Variants in RIMS2 observed in about 807,000 individuals in gnomAD.
RIMS2 encodes the protein regulating synaptic membrane exocytosis protein 2.
In RIMS2, 59 loss-of-function variants were observed where a neutral mutation model predicts 174.4. The ratio of observed to expected loss-of-function variants is 0.34; its 90% confidence interval spans 0.27 to 0.42. The LOEUF is 0.42. Among genes scored for constraint, RIMS2 ranks in the 10% least tolerant of loss-of-function variants. The probability of loss-of-function intolerance (pLI) is 1.00; values close to 1 mark genes in which losing one functional copy is unlikely to be tolerated. For missense variants in RIMS2, 1,620 were observed against 1,666.3 expected (o/e 0.97, Z 0.48); for synonymous variants, 606 against 572.5 (o/e 1.06, Z -0.84).
intron 19 of RIMS2, among the ~76,000 whole-genome samples, chr8:104,034,202 T>A (rs949784786): frequency 2.6e-5 from 4 of 152,168 alleles, no homozygotes; most frequent in Admixed American, 1.3e-4. Context: ...CTAGAACAAT[T>A]TATAATACCT....
intron 1 of RIMS2, among the ~76,000 whole-genome samples, chr8:103,510,302 A>G (rs1825830169): frequency 6.6e-6 from 1 of 152,130 alleles, no homozygotes; most frequent in East Asian, 1.9e-4. Flanking sequence ...CATATTTGGT[A>G]TCTGTTATCA....
intron 1 of RIMS2, among the ~76,000 whole-genome samples, chr8:103,526,171 C>T (rs1003246863): frequency 6.6e-6 from 1 of 152,148 alleles, no homozygotes; most frequent in Non-Finnish European, 1.5e-5. Flanking sequence ...ATCCCCCAGG[C>T]TTTGGGTTGG....
chr8:104,139,830 G>T (rs958819944), intron 19 of RIMS2, among the ~76,000 whole-genome samples: 8 of 152,088 alleles, frequency 5.3e-5, no homozygotes, highest in African/African-American at 1.7e-4. Flanking sequence ...GGCCATCTTT[G>T]CCATGTTTCA....
intron 19 of RIMS2, among the ~76,000 whole-genome samples, chr8:104,189,889 C>T (rs984833167): frequency 2.0e-5 from 3 of 151,840 alleles, no homozygotes; most frequent in Non-Finnish European, 4.4e-5. Flanking sequence ...CCATCTAATC[C>T]AACTACCTCA....
chr8:103,819,708 T>A, intron 3 of RIMS2: 1 of 1,097,316 alleles, frequency 9.1e-7, no homozygotes, highest in Non-Finnish European at 1.3e-6. Flanking sequence ...AATTGTTTTG[T>A]ATTGAAGTGC....
At chr8:103,603,631 C>T (rs1367685080) in intron 1 of RIMS2, among the ~76,000 whole-genome samples, 2 of 150,306 alleles carry the variant, frequency 1.3e-5, no homozygotes, top group Non-Finnish European at 3.0e-5. Context: ...AAAAGTGTTC[C>T]TATTTCTCCA....
chr8:103,798,050 A>C (rs574140898), intron 3 of RIMS2, among the ~76,000 whole-genome samples: 1 of 152,270 alleles, frequency 6.6e-6, no homozygotes, highest in South Asian at 2.1e-4. Flanking sequence ...CAATGGAATC[A>C]TACTGCAGCA....
chr8:103,561,903 A>C (rs978442155), intron 1 of RIMS2, among the ~76,000 whole-genome samples: 2 of 152,214 alleles, frequency 1.3e-5, no homozygotes, highest in African/African-American at 4.8e-5. Context: ...AGGAGGAGCA[A>C]GTTACATGTT....
chr8:103,947,644 T>C (rs1298710412), intron 14 of RIMS2, among the ~76,000 whole-genome samples: 1 of 152,210 alleles, frequency 6.6e-6, no homozygotes, highest in Non-Finnish European at 1.5e-5. Flanking sequence ...AGGGTACTTA[T>C]CATGAGTGGA....
chr8:103,796,405 A>C (rs2098550131), intron 3 of RIMS2, among the ~76,000 whole-genome samples: 1 of 152,184 alleles, frequency 6.6e-6, no homozygotes, highest in Non-Finnish European at 1.5e-5. Context: ...CTTTTATACA[A>C]AAATAATTTT....
At chr8:104,076,923 T>C (rs2097305091) in intron 19 of RIMS2, among the ~76,000 whole-genome samples, 1 of 151,954 alleles carries the variant, frequency 6.6e-6, no homozygotes, top group African/African-American at 2.4e-5. Context: ...TTCAAGTGAT[T>C]CTCCTACCTC....
chr8:103,615,534 T>C (rs866699472), intron 1 of RIMS2, among the ~76,000 whole-genome samples: 1 of 151,574 alleles, frequency 6.6e-6, no homozygotes, highest in East Asian at 1.9e-4. Flanking sequence ...AAATTAGAGA[T>C]GAATTGAGGA....
chr8:103,976,085 C>T (rs1232568725), intron 16 of RIMS2: 2 of 152,250 alleles, frequency 1.3e-5, no homozygotes, highest in Admixed American at 1.3e-4. Context: ...AGGCTTCCTT[C>T]ATTCCATTCA....
At chr8:103,787,820 C>G (rs1006319191) in intron 3 of RIMS2, among the ~76,000 whole-genome samples, 1 of 152,098 alleles carries the variant, frequency 6.6e-6, no homozygotes, top group South Asian at 2.1e-4. Context: ...GTTGGCCTGC[C>G]TTGCTAGATC....
intron 2 of RIMS2, among the ~76,000 whole-genome samples, chr8:103,728,371 T>C (rs773004377): frequency 6.6e-6 from 1 of 152,106 alleles, no homozygotes; most frequent in Non-Finnish European, 1.5e-5. Flanking sequence ...AGATCATCTG[T>C]AAACAAGTAT....
chr8:103,528,504 C>A lies in RIMS2; in HGVS notation c.176+27442C>A, dbSNP rs543388904. 7.0e-3 allele frequency among the ~76,000 whole-genome samples: 1,061 copies of A among 152,274 alleles called. 3 individuals carry two copies. The highest frequency in any genetic ancestry group is 0.012 in the Non-Finnish European group (833 of 68,016). On this transcript the variant is annotated intron_variant, in intron 1 of 23. Coordinates refer to ENST00000504942, the Ensembl canonical transcript of RIMS2. ...TGAATGGTATTGCCTAGGTTTTCTT[C>A]TAGAGTTTTTATGGTTTTAGGTCTA... is the stretch of plus-strand genomic sequence containing the variant.
At chr8:103,776,076 T>C (rs1564591479) in intron 3 of RIMS2, among the ~76,000 whole-genome samples, 1 of 152,120 alleles carries the variant, frequency 6.6e-6, no homozygotes, top group Non-Finnish European at 1.5e-5. Flanking sequence ...AAGAGTTGCA[T>C]TAAAATAAGC....
chr8:104,141,472 G>A (rs1363040406), intron 19 of RIMS2, among the ~76,000 whole-genome samples: 1 of 152,128 alleles, frequency 6.6e-6, no homozygotes, highest in Non-Finnish European at 1.5e-5. Flanking sequence ...TCTCCAAAAT[G>A]CCCTTTGATG....
intron 2 of RIMS2, among the ~76,000 whole-genome samples, chr8:103,762,112 GT>G (rs2098119416): frequency 6.7e-6 from 1 of 148,924 alleles, no homozygotes; most frequent in African/African-American, 2.5e-5. Context: ...ATTTTCCTTA[GT>G]TTTTTTCCCT....
Sources: allele counts gnomAD v4.1 joint callset (sites outside exome capture counted in the v4.1 genomes callset), GRCh38; gene constraint gnomAD v4.1.1; transcripts MANE v1.5; gene names NCBI Gene and HGNC (gene_info 2026-07-23, HGNC 2026-07-21).